The following PALM2AKAP2 variants were observed in gnomAD, a reference collection of about 807,000 sequenced individuals.
The protein encoded by PALM2AKAP2 is PALM2 and AKAP2 fusion.
PALM2AKAP2 carries 37 observed loss-of-function variants against 71.5 expected under a neutral mutation model. The ratio of observed to expected loss-of-function variants is 0.52; its 90% CI spans 0.40 to 0.68. The LOEUF is 0.68. Among genes scored for constraint, PALM2AKAP2 ranks in the 30% least tolerant of loss-of-function variants. PALM2AKAP2 has a pLI of 0.00. For synonymous variants in PALM2AKAP2, 468 were observed against 478.8 expected, an observed-to-expected ratio of 0.98 and a Z score of 0.29; for missense variants, 1,224 against 1,191.8, an observed-to-expected ratio of 1.03 and a Z score of -0.40.
At chr9:109,802,694 G>A (rs1169346438) in intron 1 of PALM2AKAP2, among the ~76,000 whole-genome samples, 1 of 152,178 alleles carries the variant, frequency 6.6e-6, no homozygotes, top group Non-Finnish European at 1.5e-5. Flanking sequence ...GTCTGGAAGT[G>A]ACCCACATCA....
intron 1 of PALM2AKAP2, among the ~76,000 whole-genome samples, chr9:109,848,276 T>C (rs10980083): frequency 0.32 from 48,007 of 152,110 alleles, 7,984 homozygotes; most frequent in East Asian, 0.52. Context: ...AGTGACTTGC[T>C]CAAGGTCATC....
chr9:109,839,591 A>C (rs531402324), intron 1 of PALM2AKAP2, among the ~76,000 whole-genome samples: 1 of 152,224 alleles, frequency 6.6e-6, no homozygotes, highest in Non-Finnish European at 1.5e-5. Context: ...AGAGGAAGTC[A>C]AATTGTCCCT....
At chr9:110,155,806 G>A (rs1836439474) in intron 2 of PALM2AKAP2, among the ~76,000 whole-genome samples, 1 of 152,222 alleles carries the variant, frequency 6.6e-6, no homozygotes, top group Admixed American at 6.5e-5. Context: ...AGCCTGGGCA[G>A]GTCAGCAGAC....
chr9:110,139,360 G>A (rs7021387), intron 2 of PALM2AKAP2, among the ~76,000 whole-genome samples: 152,335 of 152,346 alleles, frequency 1, 76,162 homozygotes, highest in Middle Eastern at 1. Context: ...CAGATCTTCA[G>A]CTATGGAAAA....
intron 1 of PALM2AKAP2, among the ~76,000 whole-genome samples, chr9:110,053,987 G>A (rs1045011039): frequency 3.3e-5 from 5 of 152,244 alleles, no homozygotes; most frequent in Non-Finnish European, 7.3e-5. Flanking sequence ...CGCAGATATT[G>A]TGGTGCGCCC....
intron 1 of PALM2AKAP2, among the ~76,000 whole-genome samples, chr9:109,854,275 G>A (rs1471186493): frequency 1.3e-5 from 2 of 152,224 alleles, no homozygotes; most frequent in East Asian, 3.8e-4. Context: ...GTAGCATTGA[G>A]CAAGAGCTCT....
chr9:109,876,594 C>T (rs1460805133), intron 2 of PALM2AKAP2, among the ~76,000 whole-genome samples: 1 of 152,176 alleles, frequency 6.6e-6, no homozygotes, highest in East Asian at 1.9e-4. Context: ...ATTCTCCTGC[C>T]TCAGCCTCCT....
chr9:110,002,612 G>A (rs942920492), intron 6 of PALM2AKAP2, among the ~76,000 whole-genome samples: 3 of 152,134 alleles, frequency 2.0e-5, no homozygotes, highest in African/African-American at 7.2e-5. Flanking sequence ...AATGGTACTA[G>A]CTCCTCTTTG....
chr9:109,877,973 TATAAA>T (rs1336839082), intron 2 of PALM2AKAP2, among the ~76,000 whole-genome samples: 2 of 152,210 alleles, frequency 1.3e-5, no homozygotes, highest in Admixed American at 1.3e-4. Flanking sequence ...TGAATAAAAA[TATAAA>T]AACATGAATT....
At chr9:110,011,009 A>ACC (rs1379472102) in intron 6 of PALM2AKAP2, among the ~76,000 whole-genome samples, 1 of 113,380 alleles carries the variant, frequency 8.8e-6, no homozygotes, top group African/African-American at 4.1e-5. Context: ...AAAAAAAAAA[A>ACC]AAAAAATATA....
At chr9:109,987,783 A>T (rs1248094651) in intron 6 of PALM2AKAP2, among the ~76,000 whole-genome samples, 8 of 152,208 alleles carry the variant, frequency 5.3e-5, no homozygotes, top group Admixed American at 3.9e-4. Flanking sequence ...TCTGTTGTGA[A>T]GGATGTCCTC....
chr9:109,807,123 G>A (rs1166781095), intron 1 of PALM2AKAP2, among the ~76,000 whole-genome samples: 1 of 127,856 alleles, frequency 7.8e-6, no homozygotes, highest in African/African-American at 3.7e-5. Context: ...TTCTCATCCA[G>A]TAGATCTAAG....
chr9:109,896,953 C>T (rs1258114022), intron 3 of PALM2AKAP2, among the ~76,000 whole-genome samples: 1 of 152,182 alleles, frequency 6.6e-6, no homozygotes, highest in African/African-American at 2.4e-5. Flanking sequence ...TTTGCTTCAT[C>T]CAGTAATTAG....
At chr9:109,856,091 A>G (rs979277434) in intron 1 of PALM2AKAP2, among the ~76,000 whole-genome samples, 1 of 152,226 alleles carries the variant, frequency 6.6e-6, no homozygotes, top group African/African-American at 2.4e-5. Context: ...TCACAATTGT[A>G]TCATTTAAAA....
chr9:110,098,240 C>T (rs955197137), intron 1 of PALM2AKAP2, among the ~76,000 whole-genome samples: 2 of 151,888 alleles, frequency 1.3e-5, no homozygotes, highest in South Asian at 2.1e-4. Flanking sequence ...TGCCTGAGCT[C>T]AAATGTCAGT....
intron 1 of PALM2AKAP2, among the ~76,000 whole-genome samples, chr9:109,720,710 A>T (rs1217227324): frequency 6.6e-6 from 1 of 152,234 alleles, no homozygotes; most frequent in Non-Finnish European, 1.5e-5. Context: ...AGACCAATGG[A>T]TATCCACATA....
At chr9:109,827,642 C>A (rs907992491) in intron 1 of PALM2AKAP2, among the ~76,000 whole-genome samples, 2 of 152,098 alleles carry the variant, frequency 1.3e-5, no homozygotes. Context: ...TGCTGGACTG[C>A]ATGATGATCT....
At chr9:109,766,892 C>T (rs62578102) in intron 1 of PALM2AKAP2, among the ~76,000 whole-genome samples, 26,187 of 152,058 alleles carry the variant, frequency 0.17, 2,799 homozygotes, top group Middle Eastern at 0.33. Context: ...ATGGAGCTGA[C>T]GTTGGAACCC....
intron 1 of PALM2AKAP2, among the ~76,000 whole-genome samples, chr9:109,676,467 T>C (rs538029281): frequency 1.3e-5 from 2 of 152,354 alleles, no homozygotes; most frequent in South Asian, 4.1e-4. Flanking sequence ...TACTGTGTTT[T>C]ACTGCAATCA....
Sources: gnomAD v4.1 joint callset for allele counts (sites outside exome capture counted in the v4.1 genomes callset) on GRCh38, gnomAD v4.1.1 for gene constraint, MANE v1.5 for transcripts, NCBI Gene and HGNC (gene_info 2026-07-23, HGNC 2026-07-21) for gene names.